The following PDLIM5 variants were observed in gnomAD, a reference collection of about 807,000 sequenced individuals.
PDLIM5 encodes PDZ and LIM domain 5, also known as PDZ and LIM domain protein 5.
In PDLIM5, 34 loss-of-function variants were observed where a neutral mutation model predicts 64.2. That is an observed-to-expected ratio of 0.53 (90% CI 0.40 to 0.71). The LOEUF is 0.71. Ranked by LOEUF, PDLIM5 falls within the 30% of genes least tolerant of loss-of-function variation. The probability of loss-of-function intolerance (pLI) is 0.00; values close to 1 mark genes in which losing one functional copy is unlikely to be tolerated. For synonymous variants in PDLIM5, 253 were observed against 269.1 expected, an observed-to-expected ratio of 0.94 and a Z score of 0.59; for missense variants, 683 against 733.6, an observed-to-expected ratio of 0.93 and a Z score of 0.80.
At chr4:94,489,156 A>T (rs1726620374) in intron 2 of PDLIM5, 1 of 152,150 alleles carries the variant, frequency 6.6e-6, no homozygotes, top group Admixed American at 6.5e-5. Flanking sequence ...GGCCGTCTTT[A>T]ATAGTATATT....
intron 10 of PDLIM5, among the ~76,000 whole-genome samples, chr4:94,656,402 C>T (rs1374712132): frequency 6.6e-6 from 1 of 152,016 alleles, no homozygotes; most frequent in Non-Finnish European, 1.5e-5. Flanking sequence ...ATCTTTATAA[C>T]TTGGTATGTT....
chr4:94,619,674 G>T (rs1382795592), intron 8 of PDLIM5, among the ~76,000 whole-genome samples: 2 of 151,996 alleles, frequency 1.3e-5, no homozygotes, highest in Admixed American at 1.3e-4. Context: ...TCACTCTGTT[G>T]CCCAGTCTCC....
chr4:94,501,081 C>CTT (rs11336334), intron 2 of PDLIM5, among the ~76,000 whole-genome samples: 4 of 137,014 alleles, frequency 2.9e-5, no homozygotes, highest in Admixed American at 7.3e-5. Flanking sequence ...TATACCTGGC[C>CTT]TTTTTTTTTT....
At chr4:94,567,219 T>C (rs186094586) in intron 3 of PDLIM5, among the ~76,000 whole-genome samples, 171 of 152,348 alleles carry the variant, frequency 1.1e-3, no homozygotes, top group African/African-American at 3.9e-3. Context: ...GATCTCGATC[T>C]CCTGACCTCG....
chr4:94,570,283 C>T (rs1420076870), intron 3 of PDLIM5, among the ~76,000 whole-genome samples: 2 of 152,066 alleles, frequency 1.3e-5, no homozygotes, highest in Non-Finnish European at 2.9e-5. Context: ...GTCTTTTTTC[C>T]TTCTTTCTTT....
chr4:94,655,306 A>T (rs1293132719), intron 10 of PDLIM5, among the ~76,000 whole-genome samples: 1 of 152,138 alleles, frequency 6.6e-6, no homozygotes, highest in East Asian at 1.9e-4. Context: ...CCAATGATAA[A>T]GTAAGGGTCA....
At chr4:94,489,318 A>T (rs1726644553) in intron 2 of PDLIM5, among the ~76,000 whole-genome samples, 1 of 152,096 alleles carries the variant, frequency 6.6e-6, no homozygotes, top group Non-Finnish European at 1.5e-5. Context: ...GAATTATCTT[A>T]GGTTACACAA....
chr4:94,557,792 TAAG>T (rs1375621663), intron 3 of PDLIM5, among the ~76,000 whole-genome samples: 4 of 152,162 alleles, frequency 2.6e-5, no homozygotes, highest in African/African-American at 9.7e-5. Context: ...CTTATCAGCT[TAAG>T]GAGATTTTGG....
intron 3 of PDLIM5, among the ~76,000 whole-genome samples, chr4:94,568,015 C>A (rs537212154): frequency 6.6e-6 from 1 of 152,190 alleles, no homozygotes; most frequent in Non-Finnish European, 1.5e-5. Context: ...GTTTCACTTT[C>A]ATTTCTTATA....
At chr4:94,529,669 A>G (rs962299515) in intron 3 of PDLIM5, among the ~76,000 whole-genome samples, 1 of 152,168 alleles carries the variant, frequency 6.6e-6, no homozygotes, top group African/African-American at 2.4e-5. Context: ...AAAAAATAAG[A>G]CTTGACTCAG....
At chr4:94,584,019 C>A (rs1735960982) in intron 5 of PDLIM5, among the ~76,000 whole-genome samples, 1 of 152,184 alleles carries the variant, frequency 6.6e-6, no homozygotes, top group Non-Finnish European at 1.5e-5. Context: ...GTAATTCTAT[C>A]CTGTTCTTCA....
At chr4:94,508,028 G>A (rs1038944600) in intron 2 of PDLIM5, among the ~76,000 whole-genome samples, 1 of 152,168 alleles carries the variant, frequency 6.6e-6, no homozygotes, top group Admixed American at 6.6e-5. Flanking sequence ...CCAGAGCACA[G>A]GAACACATGG....
At chr4:94,563,689 A>AG (rs747725558) in intron 3 of PDLIM5, among the ~76,000 whole-genome samples, 18 of 152,224 alleles carry the variant, frequency 1.2e-4, no homozygotes, top group Non-Finnish European at 2.2e-4. Flanking sequence ...AGCATAGGAC[A>AG]GGGTGCATAT....
In PDLIM5 at chr4:94,662,552, A is replaced by C; in HGVS notation, c.1701+15A>C. 7.1e-6 allele frequency: 9 copies of C among 1,274,312 alleles called. No individual in the cohort carries two copies. Among genetic ancestry groups the C allele is most frequent in the Non-Finnish European group, 9.2e-6 (8 of 870,140 alleles). The allele number at this position is 1,274,312 out of a possible 1,614,324, so 78.9% of individuals were successfully genotyped here. A position where few individuals can be genotyped will look rare whatever the true frequency, so the allele number is the denominator to read the frequency against. ...TTGTATGCTCAGTAAGTAGAGTCTT[A>C]TTTCCTAATTAAAGGGGTATAGTAT... On this transcript the variant is annotated intron_variant, in intron 12 of 12. Transcript: ENST00000317968.
At chr4:94,616,458 A>G (rs1265571701) in intron 7 of PDLIM5, among the ~76,000 whole-genome samples, 2 of 152,210 alleles carry the variant, frequency 1.3e-5, no homozygotes, top group African/African-American at 4.8e-5. Context: ...CACTTAAAGT[A>G]CAGGTAACTG....
chr4:94,491,700 A>G (rs1726887991), intron 2 of PDLIM5, among the ~76,000 whole-genome samples: 1 of 152,090 alleles, frequency 6.6e-6, no homozygotes, highest in Admixed American at 6.6e-5. Flanking sequence ...AAAGGAAGGA[A>G]TATCATTTTT....
chr4:94,645,534 A>T (rs1316036689), intron 9 of PDLIM5, among the ~76,000 whole-genome samples: 1 of 152,220 alleles, frequency 6.6e-6, no homozygotes, highest in African/African-American at 2.4e-5. Flanking sequence ...CATCTGCTTG[A>T]TTCTGAAATA....
At chr4:94,452,917 C>G (rs563123961) in intron 1 of PDLIM5, among the ~76,000 whole-genome samples, 2 of 152,324 alleles carry the variant, frequency 1.3e-5, no homozygotes, top group Admixed American at 6.5e-5. Context: ...GTGCCTGTGG[C>G]TTTAGTTCTT....
intron 3 of PDLIM5, among the ~76,000 whole-genome samples, chr4:94,550,219 C>T (rs1220727824): frequency 6.6e-6 from 1 of 152,082 alleles, no homozygotes; most frequent in Non-Finnish European, 1.5e-5. Flanking sequence ...ATATTCTTCT[C>T]TTAAGCTATG....
Sources: gnomAD v4.1 joint callset for allele counts (sites outside exome capture counted in the v4.1 genomes callset) on GRCh38, gnomAD v4.1.1 for gene constraint, MANE v1.5 for transcripts, NCBI Gene and HGNC (gene_info 2026-07-23, HGNC 2026-07-21) for gene names.